The following UBE3D variants were observed in gnomAD, a reference collection of about 807,000 sequenced individuals.
The protein encoded by UBE3D is ubiquitin protein ligase E3D.
Under a neutral mutation model 49.6 loss-of-function variants are expected in UBE3D, and 48 were observed. That is an observed-to-expected ratio of 0.97 (90% CI 0.77 to 1.23). The LOEUF is 1.23. Among genes scored for constraint, UBE3D ranks in the 50% most tolerant of loss-of-function variants. The probability of loss-of-function intolerance (pLI) is 0.00; values close to 1 mark genes in which losing one functional copy is unlikely to be tolerated. For missense variants in UBE3D, 452 were observed against 468.4 expected, an observed-to-expected ratio of 0.96 and a Z score of 0.32; for synonymous variants, 189 against 174.2, an observed-to-expected ratio of 1.08 and a Z score of -0.67.
At chr6:82,910,723 A>C (rs1413520356) in intron 9 of UBE3D, among the ~76,000 whole-genome samples, 2 of 152,160 alleles carry the variant, frequency 1.3e-5, no homozygotes, top group Non-Finnish European at 2.9e-5. Flanking sequence ...CAAGAGTCCA[A>C]GAATTAGAAT....
intron 8 of UBE3D, 61 bp downstream of exon 8, chr6:83,018,912 A>G: frequency 1.3e-6 from 2 of 1,587,964 alleles, no homozygotes; most frequent in Non-Finnish European, 1.7e-6. Flanking sequence ...ATTTCTTAAC[A>G]CCAACATGAC....
intron 4 of UBE3D, among the ~76,000 whole-genome samples, chr6:83,041,435 A>T (rs189842294): frequency 2.8e-4 from 42 of 152,340 alleles, no homozygotes; most frequent in African/African-American, 9.6e-4. Context: ...GACAATTGAT[A>T]AAATCTGTAT....
chr6:82,887,227 G>A, the UBE3D span, among the ~76,000 whole-genome samples: 2 of 150,696 alleles, frequency 1.3e-5, no homozygotes, highest in East Asian at 3.9e-4. Flanking sequence ...GCTGAGGCAG[G>A]AGAATCACTT....
At chr6:83,026,978 A>G (rs1781505472) in intron 5 of UBE3D, among the ~76,000 whole-genome samples, 1 of 152,114 alleles carries the variant, frequency 6.6e-6, no homozygotes, top group Non-Finnish European at 1.5e-5. Flanking sequence ...TCTAAAATTT[A>G]ATTATATTAT....
chr6:82,940,757 T>C lies in UBE3D; in HGVS notation c.1149+16555A>G, dbSNP rs546377285. On this transcript the variant is annotated intron_variant, in intron 9 of 9. Coordinates refer to ENST00000369747, the MANE Select transcript of UBE3D (RefSeq NM_198920.3). Reference sequence around the variant, plus strand: ...GTCCCCAAGGCCCATTGATAGTCTCTTGGGAAAAGTATATGTCTTCATGCC... The same window carrying C: ...GTCCCCAAGGCCCATTGATAGTCTCCTGGGAAAAGTATATGTCTTCATGCC... Among the ~76,000 whole-genome samples, 4 of 152,226 alleles carry C rather than the reference T, an allele frequency of 2.6e-5. No individual in the cohort carries two copies. The East Asian group carries it at 5.8e-4, about 22-fold the overall frequency.
intron 7 of UBE3D, among the ~76,000 whole-genome samples, chr6:83,021,579 G>C (rs1225142171): frequency 6.6e-6 from 1 of 151,960 alleles, no homozygotes; most frequent in Non-Finnish European, 1.5e-5. Context: ...TAAAAAACTT[G>C]ATTTTGGCTG....
intron 2 of UBE3D, among the ~76,000 whole-genome samples, chr6:83,054,509 A>G (rs1163781433): frequency 2.0e-5 from 3 of 152,236 alleles, no homozygotes; most frequent in Admixed American, 6.5e-5. Flanking sequence ...TTCTAAAAAT[A>G]CCAACATTAA....
intron 8 of UBE3D, among the ~76,000 whole-genome samples, chr6:83,002,289 T>C (rs1012518526): frequency 1.3e-5 from 2 of 152,200 alleles, no homozygotes; most frequent in African/African-American, 4.8e-5. Flanking sequence ...AAAAGTCATT[T>C]TGAAACTTAA....
At chr6:83,049,591 T>A (rs930065054) in intron 3 of UBE3D, 3 of 300,486 alleles carry the variant, frequency 1.0e-5, no homozygotes, top group African/African-American at 6.6e-5. Context: ...GCCAAGTGGA[T>A]CAATCAAGTG....
At chr6:82,943,759 C>T (rs1775193546) in intron 9 of UBE3D, among the ~76,000 whole-genome samples, 1 of 152,138 alleles carries the variant, frequency 6.6e-6, no homozygotes, top group Admixed American at 6.5e-5. Context: ...TCAATGCCAC[C>T]CCTCTCCCAT....
At chr6:83,059,271 C>G (rs566407316) in intron 1 of UBE3D, among the ~76,000 whole-genome samples, 34 of 152,164 alleles carry the variant, frequency 2.2e-4, no homozygotes, top group African/African-American at 7.7e-4. Context: ...CACCTGTAGT[C>G]CTAGCCACTC....
chr6:83,019,259 A>G lies in UBE3D; in HGVS notation c.847-123T>C. On this transcript the variant is annotated intron_variant, in intron 7 of 9. Transcript: ENST00000369747. ...GAAAAAATAAATATGAGAATCATGT[A>G]CATAATTTTAAAGTTGGGTAGGCCT... 5.3e-6 allele frequency: 5 copies of G among 940,830 alleles called. No individual in the cohort carries two copies. In the South Asian group the frequency reaches 1.2e-4, roughly 23 times the overall value. 58.3% of individuals were successfully genotyped at this position (940,830 alleles called of 1,614,324 possible).
chr6:82,980,939 C>G (rs1338321374), intron 8 of UBE3D, among the ~76,000 whole-genome samples: 3 of 151,978 alleles, frequency 2.0e-5, no homozygotes, highest in Non-Finnish European at 2.9e-5. Flanking sequence ...ATACCAGTAC[C>G]ATGTTCCCAC....
intron 8 of UBE3D, among the ~76,000 whole-genome samples, chr6:82,973,281 G>T (rs968596623): frequency 6.6e-6 from 1 of 152,022 alleles, no homozygotes; most frequent in African/African-American, 2.4e-5. Context: ...AAATCTATCA[G>T]GTCAGTCCTG....
chr6:83,054,815 TA>T (rs1284278169), intron 2 of UBE3D, among the ~76,000 whole-genome samples: 1 of 152,142 alleles, frequency 6.6e-6, no homozygotes, highest in African/African-American at 2.4e-5. Context: ...CATGCCTGGC[TA>T]ATTTTTGTAT....
Position 83,065,754 on chromosome 6 carries a change from G to A in UBE3D, c.-36C>T, listed in dbSNP as rs760692812. 8.8e-6 allele frequency: 14 copies of A among 1,582,426 alleles called. No individual in the cohort carries two copies. The highest frequency in any genetic ancestry group is 4.1e-5 in the African/African-American group (3 of 73,830). ...CAGTCCCAGACCGGACCAAGCTGGA[G>A]GTTCCGAGGGGCCCGGGTCAACAGG... On this transcript the variant is annotated 5_prime_UTR_variant, in exon 1 of 10. Transcript: ENST00000369747.
At chr6:82,899,757 C>T (rs894054379) in intron 9 of UBE3D, among the ~76,000 whole-genome samples, 2 of 152,186 alleles carry the variant, frequency 1.3e-5, no homozygotes, top group Non-Finnish European at 2.9e-5. Flanking sequence ...AACTGGACTA[C>T]GGACAGCATT....
chr6:83,008,407 T>C (rs143794344), intron 8 of UBE3D, among the ~76,000 whole-genome samples: 512 of 152,250 alleles, frequency 3.4e-3, no homozygotes, highest in Non-Finnish European at 4.9e-3. Flanking sequence ...ATGTGATATA[T>C]GAAATAAATT....
At chr6:82,983,548 A>T (rs1434687310) in intron 8 of UBE3D, among the ~76,000 whole-genome samples, 1 of 151,402 alleles carries the variant, frequency 6.6e-6, no homozygotes, top group African/African-American at 2.4e-5. Flanking sequence ...AAAAGTAGTA[A>T]TTTTTTTTTA....
Sources: allele counts gnomAD v4.1 joint callset (sites outside exome capture counted in the v4.1 genomes callset), GRCh38; gene constraint gnomAD v4.1.1; transcripts MANE v1.5; gene names NCBI Gene and HGNC (gene_info 2026-07-23, HGNC 2026-07-21).